The following SRGAP2B variants were observed in gnomAD, a reference collection of about 807,000 sequenced individuals.
SRGAP2B encodes the protein SLIT-ROBO Rho GTPase-activating protein 2B.
Under a neutral mutation model 22.2 loss-of-function variants are expected in SRGAP2B, and 9 were observed. The ratio of observed to expected loss-of-function variants is 0.41; its 90% CI spans 0.24 to 0.71. The LOEUF (loss-of-function observed/expected upper bound fraction) is 0.71, where lower values mean the gene tolerates loss of function less well. Among genes scored for constraint, SRGAP2B ranks in the 30% least tolerant of loss-of-function variants. The probability of loss-of-function intolerance (pLI) is 0.35; values close to 1 mark genes in which losing one functional copy is unlikely to be tolerated. For synonymous variants in SRGAP2B, 36 were observed against 87.4 expected, an observed-to-expected ratio of 0.41 and a Z score of 3.28; for missense variants, 114 against 235.8, an observed-to-expected ratio of 0.48 and a Z score of 3.38.
At position 144,925,727 on chromosome 1, in the gene SRGAP2B, A is replaced by AAAAGAAAGAAAGAAAG. The variant is rs202130146; in HGVS notation, c.424-10989_424-10974dup. 3.2e-3 allele frequency among the ~76,000 whole-genome samples: 333 copies of AAAAGAAAGAAAGAAAG among 104,178 alleles called. 1 individual carries two copies. Among genetic ancestry groups the AAAAGAAAGAAAGAAAG allele is most frequent in the South Asian group, 5.0e-3 (14 of 2,776 alleles). 68.3% of individuals were successfully genotyped at this position (104,178 alleles called of 152,430 possible). A position where few individuals can be genotyped will look rare whatever the true frequency, so the allele number is the denominator to read the frequency against. On this transcript the variant is annotated intron_variant, in intron 4 of 9. Coordinates refer to ENST00000612199, the Ensembl canonical transcript of SRGAP2B. The stretch of plus-strand genomic sequence containing the variant: ...GAGAGAAAGAGAGAGAGAGAGAAAG[A>AAAAGAAAGAAAGAAAG]AAAGAAAGAAAGAAAGAAAGAAAGA...
chr1:144,891,664 G>A (rs1156634827), exon 10 of SRGAP2B: 1 of 113,826 alleles, frequency 8.8e-6, no homozygotes, highest in African/African-American at 3.6e-5. Context: ...CGATGTTTTG[G>A]AATTATGTGC....
At position 144,920,655 on chromosome 1, in the gene SRGAP2B, T is replaced by G. The variant is rs1283249089; in HGVS notation, c.424-5901A>C. Among the ~76,000 whole-genome samples the G allele has an allele frequency of 7.1e-4, 106 of 149,348 alleles. 2 individuals are homozygous for G. Among genetic ancestry groups the G allele is most frequent in the Middle Eastern group, 3.2e-3 (1 of 312 alleles). On this transcript the variant is annotated intron_variant, in intron 4 of 9. Transcript: ENST00000612199. ...GCCTAAAGATCCCTCCACCTCAGCCTCTTAGAGTAGCTGGGATTATATTCT... is the reference window on the plus strand; with the variant it reads ...GCCTAAAGATCCCTCCACCTCAGCCGCTTAGAGTAGCTGGGATTATATTCT...
chr1:144,994,584 G>C (rs1434452043), intron 3 of SRGAP2B, among the ~76,000 whole-genome samples: 3 of 148,782 alleles, frequency 2.0e-5, no homozygotes, highest in Non-Finnish European at 1.5e-5. Flanking sequence ...GAGAGAGAGA[G>C]AGAGAGAGAG....
chr1:144,975,399 T>G (rs1489765746), intron 3 of SRGAP2B, among the ~76,000 whole-genome samples: 2 of 149,624 alleles, frequency 1.3e-5, no homozygotes, highest in Non-Finnish European at 2.9e-5. Context: ...CACTGGGGGT[T>G]GTCTGGGTCA....
chr1:144,993,419 G>A (rs1398898522), intron 3 of SRGAP2B, among the ~76,000 whole-genome samples: 4 of 150,594 alleles, frequency 2.7e-5, no homozygotes, highest in Non-Finnish European at 5.9e-5. Flanking sequence ...AACATAGATG[G>A]GCTGGGTGTG....
chr1:145,068,307 C>T (rs1327367550), intron 2 of SRGAP2B, among the ~76,000 whole-genome samples: 1 of 145,232 alleles, frequency 6.9e-6, no homozygotes, highest in Non-Finnish European at 1.5e-5. Flanking sequence ...GAGCCTGGTA[C>T]ATAGTAGGCA....
At chr1:144,928,426 T>C (rs1471532837) in intron 4 of SRGAP2B, among the ~76,000 whole-genome samples, 7 of 123,598 alleles carry the variant, frequency 5.7e-5, no homozygotes, top group Admixed American at 1.6e-4. Context: ...TTTATTTATT[T>C]ATTTATTTAT....
At chr1:144,887,710 AAAG>A (rs1371208421) in exon 10 of SRGAP2B, 5 of 28,874 alleles carry the variant, frequency 1.7e-4, no homozygotes, top group Non-Finnish European at 2.3e-4. Flanking sequence ...AGAAAAGTAA[AAAG>A]GAGGAGGAGG....
chr1:144,958,889 G>A (rs1667472793), intron 3 of SRGAP2B, among the ~76,000 whole-genome samples: 1 of 149,792 alleles, frequency 6.7e-6, no homozygotes, highest in Admixed American at 6.6e-5. Context: ...ACTGACATGA[G>A]CAAGAGACCC....
chr1:144,925,073 G>T (rs1422119338), intron 4 of SRGAP2B, among the ~76,000 whole-genome samples: 1 of 148,632 alleles, frequency 6.7e-6, no homozygotes, highest in East Asian at 2.0e-4. Context: ...CGCCATCTCG[G>T]CTCACTGCAA....
intron 4 of SRGAP2B, among the ~76,000 whole-genome samples, chr1:144,944,404 TG>T (rs1666313472): frequency 6.7e-6 from 1 of 149,652 alleles, no homozygotes; most frequent in Non-Finnish European, 1.5e-5. Flanking sequence ...AAGCCTAGCC[TG>T]GGCACCACAG....
At chr1:144,923,015 G>C (rs587638385) in intron 4 of SRGAP2B, among the ~76,000 whole-genome samples, 1 of 150,986 alleles carries the variant, frequency 6.6e-6, no homozygotes. Context: ...AGCTCACTTT[G>C]GTCCCTGACC....
rs1410353996 is a variant in SRGAP2B, at chr1:144,909,545, C to A, written c.487-3471G>T. On this transcript the variant is annotated intron_variant, in intron 5 of 9. Coordinates refer to ENST00000612199, the Ensembl canonical transcript of SRGAP2B. ...GAGCTTGCAGTGAGCCGAGATCACGCCACTGCACTCCAGCCTGGGCAACAG... is the reference window on the plus strand; with the variant it reads ...GAGCTTGCAGTGAGCCGAGATCACGACACTGCACTCCAGCCTGGGCAACAG... Among the ~76,000 whole-genome samples, 4 of 145,824 alleles carry A rather than the reference C, an allele frequency of 2.7e-5. No homozygotes were observed. In the East Asian group the frequency reaches 8.0e-4, roughly 29 times the overall value.
At chr1:144,905,752 C>A in intron 6 of SRGAP2B, 107 bp downstream of exon 6, 1 of 708,260 alleles carries the variant, frequency 1.4e-6, no homozygotes, top group Non-Finnish European at 2.6e-6. Flanking sequence ...CTAAAAGAAC[C>A]CAGAGCTTCC....
At chr1:144,924,903 T>C (rs1310612585) in intron 4 of SRGAP2B, among the ~76,000 whole-genome samples, 7 of 149,520 alleles carry the variant, frequency 4.7e-5, no homozygotes, top group Admixed American at 4.6e-4. Context: ...ATGATTTATC[T>C]AGTTCCCATT....
intron 3 of SRGAP2B, among the ~76,000 whole-genome samples, chr1:144,972,756 T>C (rs1668618944): frequency 6.7e-6 from 1 of 149,686 alleles, no homozygotes. Context: ...AATCAACGTA[T>C]AGGTCACCAA....
At position 144,907,807 on chromosome 1, in the gene SRGAP2B, G is replaced by A. The variant is rs1240974623; in HGVS notation, c.487-1733C>T. ...GTGGGTATACTAATCTAGCCCCTAC[G>A]ATCAGCTAGAGGCAGACGAAAGAAT... On this transcript the variant is annotated intron_variant, in intron 5 of 9. Transcript: ENST00000612199. Among the ~76,000 whole-genome samples, 11 of 150,278 alleles carry A rather than the reference G, an allele frequency of 7.3e-5. No homozygotes were observed. In the East Asian group the frequency reaches 7.7e-4, roughly 11 times the overall value.
intron 4 of SRGAP2B, among the ~76,000 whole-genome samples, chr1:144,925,724 A>G (rs1664637223): frequency 1.9e-5 from 2 of 107,664 alleles, no homozygotes; most frequent in East Asian, 2.4e-4. Context: ...GAGAGAGAGA[A>G]AGAAAAGAAA....
At chr1:145,073,128 G>A (rs1450164009) in intron 2 of SRGAP2B, among the ~76,000 whole-genome samples, 1 of 150,422 alleles carries the variant, frequency 6.6e-6, no homozygotes, top group Non-Finnish European at 1.5e-5. Context: ...ACACAAACAC[G>A]AAGCCCCTTC....
Sources: gnomAD v4.1 joint callset for allele counts (sites outside exome capture counted in the v4.1 genomes callset) on GRCh38, gnomAD v4.1.1 for gene constraint, MANE v1.5 for transcripts, NCBI Gene and HGNC (gene_info 2026-07-23, HGNC 2026-07-21) for gene names.